Variants in HAPLN3 observed in about 807,000 individuals in gnomAD.
HAPLN3 encodes the protein extracellular link domain containing, 1.
In HAPLN3, 28 loss-of-function variants were observed where a neutral mutation model predicts 28.1. That is an observed-to-expected ratio of 1.00 (90% confidence interval 0.74 to 1.37). The LOEUF is 1.37. Ranked by LOEUF, HAPLN3 falls within the 40% of genes most tolerant of loss-of-function variation. The pLI is 0.00. For synonymous variants in HAPLN3, 211 were observed against 213.1 expected (o/e 0.99, Z 0.09); for missense variants, 513 against 504.6 (o/e 1.02, Z -0.16).
At chr15:88,887,480 T>A in intron 1 of HAPLN3, 135 bp from the exon 2 acceptor site, 1 of 780,732 alleles carries the variant, frequency 1.3e-6, no homozygotes, top group South Asian at 1.8e-5. Context: ...CCAGACGCTG[T>A]TCCCGGAGCT....
In HAPLN3 at chr15:88,879,161, A is replaced by T. The variant is rs1008496855; in HGVS notation, c.602T>A (p.Leu201His). Residue 201 changes from leucine to histidine, a missense_variant, in exon 4 of 5, where the codon CTC (leucine) becomes CAC (histidine). Coordinates refer to ENST00000359595, the MANE Select transcript of HAPLN3 (RefSeq NM_178232.4). The surrounding 1 kb of genome is among the most constrained non-coding windows in gnomAD (Gnocchi z 5.0). ...CAGGCCCTCCTCCCAGGCCCGGAAG[A>T]GCTGCTCAAAGGAGGCCACCACCGC... Reference protein sequence around the residue: ...QAAVVASFEQLFRAWEEGLDW... With the variant: ...QAAVVASFEQHFRAWEEGLDW... 4 of 1,613,782 alleles carry T rather than the reference A, an allele frequency of 2.5e-6. No homozygotes were observed. Among genetic ancestry groups the T allele is most frequent in the Admixed American group, 3.3e-5 (2 of 60,018 alleles).
At chr15:88,894,864 C>T (rs78143744) in intron 1 of HAPLN3, among the ~76,000 whole-genome samples, 2 of 152,168 alleles carry the variant, frequency 1.3e-5, no homozygotes, top group African/African-American at 2.4e-5. Context: ...CCTCCCTACC[C>T]TTCTGGCCTC....
chr15:88,893,704 G>T (rs1021117569), intron 1 of HAPLN3, among the ~76,000 whole-genome samples: 2 of 152,000 alleles, frequency 1.3e-5, no homozygotes, highest in Non-Finnish European at 2.9e-5. Flanking sequence ...GAGGTGGGCA[G>T]ATCACCTGAG....
intron 1 of HAPLN3, among the ~76,000 whole-genome samples, chr15:88,891,284 C>A (rs75664498): frequency 0.026 from 3,948 of 151,702 alleles, 169 homozygotes; most frequent in African/African-American, 0.087. Context: ...AGCACTTACT[C>A]TCTCATTTAT....
intron 2 of HAPLN3, among the ~76,000 whole-genome samples, chr15:88,885,916 A>G (rs1037030217): frequency 2.0e-5 from 3 of 152,080 alleles, no homozygotes; most frequent in Non-Finnish European, 2.9e-5. Flanking sequence ...TAGCTGTTTG[A>G]CCTGGACAAC....
In HAPLN3 at chr15:88,878,138, G is replaced by C. The variant is rs749992123; in HGVS notation, c.915C>G (p.Phe305Leu). ...KVGQLFAAWK[F>L]HGLDRCDAGW... Reference sequence around the variant, plus strand: ...CAGCGTCGCAGCGGTCCAGGCCATGGAACTTCCAGGCGGCAAAGAGCTGTC... The same window carrying C: ...CAGCGTCGCAGCGGTCCAGGCCATGCAACTTCCAGGCGGCAAAGAGCTGTC... Residue 305 changes from phenylalanine to leucine, a missense_variant, in exon 5 of 5, where the codon TTC becomes TTG. By Grantham distance (22) the Phe-to-Leu change is conservative. Transcript: ENST00000359595. 10 of 1,614,048 alleles carry C rather than the reference G, an allele frequency of 6.2e-6. No individual in the cohort carries two copies. The highest frequency in any genetic ancestry group is 1.3e-5 in the African/African-American group (1 of 74,946).
rs1042296669 is a variant in HAPLN3 at position 88,888,242 on chromosome 15, C to T, written c.-47-897G>A. 2.0e-5 allele frequency among the ~76,000 whole-genome samples: 3 copies of T among 151,658 alleles called. No individual in the cohort carries two copies. Among genetic ancestry groups the T allele is most frequent in the Non-Finnish European group, 2.9e-5 (2 of 67,936 alleles). On this transcript the variant is annotated intron_variant, in intron 1 of 4. Coordinates refer to ENST00000359595, the MANE Select transcript of HAPLN3 (RefSeq NM_178232.4). This position sits in a 1 kb window ranked among gnomAD's most constrained non-coding sequence, Gnocchi z 4.1. ...GAGTAGCTGGGACTACAGGTGCGTG[C>T]CACCAAGCTCAGCTAATTTTTTGTA...
Position 88,887,265 on chromosome 15 carries a change from GCAGGAGCAACGGGAC to G in HAPLN3, c.19_33del (p.Val7_Leu11del). The G allele has an allele frequency of 6.2e-7, 1 of 1,614,176 alleles. No individual in the cohort carries two copies. The highest frequency in any genetic ancestry group is 1.3e-5 in the African/African-American group (1 of 75,058). ...AAGGGCAGTCCGTAGGAGCCGGGCA[GCAGGAGCAACGGGAC>G]CAGGAGCAACAGGCCCATCTCCTCA... On this transcript the variant is annotated inframe_deletion, in exon 2 of 5. Transcript: ENST00000359595.
intron 2 of HAPLN3, among the ~76,000 whole-genome samples, chr15:88,883,351 C>A (rs944749903): frequency 2.0e-5 from 3 of 152,232 alleles, no homozygotes; most frequent in Admixed American, 6.5e-5. Context: ...TCAGGCAATT[C>A]GGGCTTGCCC....
At chr15:88,889,525 G>A (rs1301693514) in intron 1 of HAPLN3, among the ~76,000 whole-genome samples, 2 of 152,106 alleles carry the variant, frequency 1.3e-5, no homozygotes, top group Admixed American at 1.3e-4. Flanking sequence ...TTGTAGAGAC[G>A]GGGTTTCACC....
In HAPLN3 at chr15:88,878,941, G is replaced by A. The variant is rs776212405; in HGVS notation, c.796+26C>T. 5 of 1,579,708 alleles carry A rather than the reference G, an allele frequency of 3.2e-6. No individual in the cohort carries two copies. The South Asian group carries it at 5.8e-5, about 18-fold the overall frequency. ...GTCCCAGGTGGCCACCAAACCCACA[G>A]GCCCGCGCTTGGCTATTCCACTCAC... On this transcript the variant is annotated intron_variant, in intron 4 of 4. Coordinates refer to ENST00000359595, the MANE Select transcript of HAPLN3 (RefSeq NM_178232.4).
rs1897583634 is a variant in HAPLN3 at position 88,878,118 on chromosome 15, T to C, written c.935A>G (p.Asp312Gly). Residue 312 changes from aspartate to glycine, a missense_variant, in exon 5 of 5, where the codon GAC (aspartate) becomes GGC (glycine). Asp to Gly is a moderately conservative substitution (Grantham distance 94, BLOSUM62 -1). Coordinates refer to ENST00000359595, the MANE Select transcript of HAPLN3 (RefSeq NM_178232.4). ...AWKFHGLDRC[D>G]AGWLADGSVR... is the part of the protein sequence containing the mutation. ...GCTACCATCTGCCAGCCAGCCAGCG[T>C]CGCAGCGGTCCAGGCCATGGAACTT... 5 of 1,614,100 alleles carry C rather than the reference T, an allele frequency of 3.1e-6. No homozygotes were observed. Among genetic ancestry groups the C allele is most frequent in the Non-Finnish European group, 4.2e-6 (5 of 1,180,010 alleles).
Position 88,878,108 on chromosome 15 carries a change from C to A in HAPLN3, c.945G>T (p.Trp315Cys). ...FHGLDRCDAG[W>C]LADGSVRYPV... is the part of the protein sequence containing the mutation. ...GGTAGCGGACGCTACCATCTGCCAGCCAGCCAGCGTCGCAGCGGTCCAGGC... is the reference window on the plus strand; with the variant it reads ...GGTAGCGGACGCTACCATCTGCCAGACAGCCAGCGTCGCAGCGGTCCAGGC... Residue 315 changes from tryptophan (W) to cysteine (C), a missense_variant, in exon 5 of 5, where the codon TGG becomes TGT. Trp to Cys is a radical substitution (Grantham distance 215, BLOSUM62 -2). Transcript: ENST00000359595. 6.2e-7 allele frequency: 1 copy of A among 1,614,122 alleles called. No individual in the cohort carries two copies. The highest frequency in any genetic ancestry group is 8.5e-7 in the Non-Finnish European group (1 of 1,180,022).
At chr15:88,889,035 G>A (rs1430515413) in intron 1 of HAPLN3, among the ~76,000 whole-genome samples, 1 of 152,218 alleles carries the variant, frequency 6.6e-6, no homozygotes, top group Non-Finnish European at 1.5e-5. Flanking sequence ...GAGGCACTCA[G>A]AGAAGATGGC....
chr15:88,891,836 T>A (rs1446184222), intron 1 of HAPLN3, among the ~76,000 whole-genome samples: 1 of 151,860 alleles, frequency 6.6e-6, no homozygotes, highest in Non-Finnish European at 1.5e-5. Context: ...CTTGTAAGAG[T>A]TCGTTTCCTC....
chr15:88,891,535 T>C (rs7178690), intron 1 of HAPLN3, among the ~76,000 whole-genome samples: 79,811 of 151,912 alleles, frequency 0.53, 22,097 homozygotes, highest in African/African-American at 0.7. Flanking sequence ...TGGGCTTAAT[T>C]GTTCTGCCCG....
At chr15:88,891,503 G>T (rs1439527867) in intron 1 of HAPLN3, among the ~76,000 whole-genome samples, 1 of 151,916 alleles carries the variant, frequency 6.6e-6, no homozygotes, top group Non-Finnish European at 1.5e-5. Flanking sequence ...TCACCATGTT[G>T]CCCAGGCTGG....
chr15:88,878,643 C>T (rs527348540), intron 4 of HAPLN3, among the ~76,000 whole-genome samples: 2 of 152,332 alleles, frequency 1.3e-5, no homozygotes, highest in African/African-American at 4.8e-5. Flanking sequence ...CATCTTCCTA[C>T]GAAATGAGCT....
At chr15:88,893,024 A>C in intron 1 of HAPLN3, 1 of 1,506,960 alleles carries the variant, frequency 6.6e-7, no homozygotes, top group South Asian at 1.2e-5. Flanking sequence ...CTGGGCACTC[A>C]GACCTGGGCT....
Sources: allele counts gnomAD v4.1 joint callset (sites outside exome capture counted in the v4.1 genomes callset), GRCh38; gene constraint gnomAD v4.1.1; non-coding constraint Gnocchi (gnomAD v3.1); transcripts MANE v1.5; gene names NCBI Gene and HGNC (gene_info 2026-07-23, HGNC 2026-07-21).